Variants in CLSTN2 observed in about 807,000 individuals in gnomAD.
CLSTN2 encodes calsyntenin-2.
Under a neutral mutation model 101.2 loss-of-function variants are expected in CLSTN2, and 48 were observed. The ratio of observed to expected loss-of-function variants is 0.47; its 90% CI spans 0.38 to 0.60. The LOEUF (loss-of-function observed/expected upper bound fraction) is 0.60. Among genes scored for constraint, CLSTN2 ranks in the 20% least tolerant of loss-of-function variants. The probability of loss-of-function intolerance (pLI) is 0.00; values close to 1 mark genes in which losing one functional copy is unlikely to be tolerated. For missense variants in CLSTN2, 1,160 were observed against 1,238.2 expected, an observed-to-expected ratio of 0.94 and a Z score of 0.95; for synonymous variants, 481 against 463.6, an observed-to-expected ratio of 1.04 and a Z score of -0.48.
intron 8 of CLSTN2, among the ~76,000 whole-genome samples, chr3:140,502,356 A>C (rs1934595690): frequency 6.6e-6 from 1 of 152,194 alleles, no homozygotes; most frequent in Admixed American, 6.5e-5. Flanking sequence ...GGGTGGACAG[A>C]GGGCAGCTAC....
chr3:140,165,029 C>T (rs2010113214), intron 1 of CLSTN2, among the ~76,000 whole-genome samples: 1 of 152,158 alleles, frequency 6.6e-6, no homozygotes. Context: ...AAGCACCTAT[C>T]AAGCAGTTAA....
chr3:140,056,833 T>C (rs2008106115), intron 1 of CLSTN2, among the ~76,000 whole-genome samples: 1 of 152,244 alleles, frequency 6.6e-6, no homozygotes, highest in East Asian at 1.9e-4. Flanking sequence ...GTTCCTTGAA[T>C]AGTGCCTTGA....
chr3:140,514,694 G>A (rs1163195977), intron 8 of CLSTN2, among the ~76,000 whole-genome samples: 1 of 151,892 alleles, frequency 6.6e-6, no homozygotes, highest in Non-Finnish European at 1.5e-5. Flanking sequence ...AGTTCTTTGA[G>A]GGATCTCTAC....
At chr3:140,469,649 T>C (rs1309551613) in intron 8 of CLSTN2, among the ~76,000 whole-genome samples, 1 of 152,216 alleles carries the variant, frequency 6.6e-6, no homozygotes, top group Non-Finnish European at 1.5e-5. Flanking sequence ...ATCCTGCCTG[T>C]CTGCTCACTT....
intron 10 of CLSTN2, among the ~76,000 whole-genome samples, chr3:140,551,086 C>A (rs1935691369): frequency 6.6e-6 from 1 of 152,198 alleles, no homozygotes; most frequent in Non-Finnish European, 1.5e-5. Flanking sequence ...TGTCCAAAAT[C>A]AGTTCATGCT....
intron 2 of CLSTN2, among the ~76,000 whole-genome samples, chr3:140,314,550 A>G (rs1479881706): frequency 2.0e-5 from 3 of 151,360 alleles, no homozygotes; most frequent in Non-Finnish European, 4.4e-5. Flanking sequence ...CTCTGCCCCC[A>G]TGATACCCTG....
intron 1 of CLSTN2, among the ~76,000 whole-genome samples, chr3:140,089,787 T>C (rs1576423020): frequency 6.6e-6 from 1 of 151,388 alleles, no homozygotes; most frequent in South Asian, 2.1e-4. Flanking sequence ...ATTTTTTGTA[T>C]TTTTAGTAGA....
Position 140,268,962 on chromosome 3 carries a change from T to G in CLSTN2, c.232+92889T>G, listed in dbSNP as rs2086718348. On this transcript the variant is annotated intron_variant, in intron 2 of 16. Transcript: ENST00000458420. ...GGCCCTGGAAGGCTCTATATAGAAGTTAAATATTGTTATTCAGTAGAGATT... is the reference window on the plus strand; with the variant it reads ...GGCCCTGGAAGGCTCTATATAGAAGGTAAATATTGTTATTCAGTAGAGATT... Among the ~76,000 whole-genome samples the G allele has an allele frequency of 2.0e-5, 3 of 152,162 alleles. No homozygotes were observed. The South Asian group carries it at 6.2e-4, about 32-fold the overall frequency.
chr3:139,943,300 G>A (rs1935164564), intron 1 of CLSTN2, among the ~76,000 whole-genome samples: 2 of 151,990 alleles, frequency 1.3e-5, no homozygotes, highest in South Asian at 2.1e-4. Flanking sequence ...GCCTTGTTTA[G>A]CATCTTGTGC....
At chr3:140,168,581 A>G (rs745396861) in intron 1 of CLSTN2, among the ~76,000 whole-genome samples, 35 of 151,982 alleles carry the variant, frequency 2.3e-4, no homozygotes, top group Non-Finnish European at 3.8e-4. Context: ...TAACCCAAGG[A>G]CACTAAGATT....
At chr3:139,973,939 A>G (rs1272206442) in intron 1 of CLSTN2, among the ~76,000 whole-genome samples, 1 of 152,162 alleles carries the variant, frequency 6.6e-6, no homozygotes, top group East Asian at 1.9e-4. Context: ...TCCTGGCCAG[A>G]AATGGTACTT....
chr3:140,131,513 CAG>C (rs1173246575), intron 1 of CLSTN2, among the ~76,000 whole-genome samples: 5 of 152,110 alleles, frequency 3.3e-5, no homozygotes, highest in African/African-American at 1.2e-4. Flanking sequence ...AGTATTCTGA[CAG>C]AGGTTGTCAA....
intron 2 of CLSTN2, among the ~76,000 whole-genome samples, chr3:140,348,339 C>A (rs1413381512): frequency 6.6e-6 from 1 of 152,192 alleles, no homozygotes; most frequent in Non-Finnish European, 1.5e-5. Context: ...TGTATTTCAG[C>A]TTAAAAGGGC....
chr3:140,043,183 C>G (rs2007797032), intron 1 of CLSTN2, among the ~76,000 whole-genome samples: 1 of 152,112 alleles, frequency 6.6e-6, no homozygotes, highest in African/African-American at 2.4e-5. Context: ...TCTCCAGCAC[C>G]TGTTGTTTCC....
chr3:140,181,193 G>T (rs1421439131), intron 2 of CLSTN2, among the ~76,000 whole-genome samples: 1 of 152,196 alleles, frequency 6.6e-6, no homozygotes, highest in Non-Finnish European at 1.5e-5. Context: ...TATTTAAAAT[G>T]GGGGTAATCA....
intron 8 of CLSTN2, among the ~76,000 whole-genome samples, chr3:140,500,831 T>G (rs1480319701): frequency 6.6e-6 from 1 of 152,230 alleles, no homozygotes; most frequent in East Asian, 1.9e-4. Flanking sequence ...AGTATTATTT[T>G]ATTAATGGAA....
chr3:140,394,892 G>C (rs915356305), intron 2 of CLSTN2, among the ~76,000 whole-genome samples: 2 of 152,126 alleles, frequency 1.3e-5, no homozygotes, highest in African/African-American at 4.8e-5. Context: ...AGTACAGTAG[G>C]TTTTTGTACT....
intron 4 of CLSTN2, among the ~76,000 whole-genome samples, chr3:140,420,923 A>T (rs1335274626): frequency 6.6e-6 from 1 of 152,232 alleles, no homozygotes; most frequent in Non-Finnish European, 1.5e-5. Context: ...GGCTTCAGCC[A>T]GTGGGTTCCC....
intron 1 of CLSTN2, among the ~76,000 whole-genome samples, chr3:139,968,676 C>A (rs1935644768): frequency 6.6e-6 from 1 of 152,110 alleles, no homozygotes. Flanking sequence ...TACAGAAGCA[C>A]AAATGCAACG....
Sources: gnomAD v4.1 joint callset for allele counts (sites outside exome capture counted in the v4.1 genomes callset) on GRCh38, gnomAD v4.1.1 for gene constraint, MANE v1.5 for transcripts, NCBI Gene and HGNC (gene_info 2026-07-23, HGNC 2026-07-21) for gene names.